The following RD3 variants were observed in gnomAD, a reference collection of about 807,000 sequenced individuals.
The protein encoded by RD3 is protein RD3.
RD3 carries 11 observed loss-of-function variants against 16.9 expected under a neutral mutation model. The observed-to-expected ratio is 0.65, with a 90% confidence interval of 0.41 to 1.08. RD3 has a LOEUF of 1.08. RD3 is among the 50% of genes least tolerant of loss of function. The probability of loss-of-function intolerance (pLI) is 0.00; values close to 1 mark genes in which losing one functional copy is unlikely to be tolerated. For synonymous variants in RD3, 116 were observed against 114.8 expected, an observed-to-expected ratio of 1.01 and a Z score of -0.07; for missense variants, 274 against 267.4, an observed-to-expected ratio of 1.02 and a Z score of -0.17.
At chr1:211,479,668 GC>G (rs1158542172) in intron 2 of RD3, among the ~76,000 whole-genome samples, 1 of 152,204 alleles carries the variant, frequency 6.6e-6, no homozygotes, top group East Asian at 1.9e-4. Context: ...GGAGCCCTTT[GC>G]CGTGGCAGCC....
chr1:211,482,633 A>T lies in RD3; in HGVS notation c.-11-1207T>A, dbSNP rs892784367. On this transcript the variant is annotated intron_variant, in intron 1 of 2. Coordinates refer to ENST00000680073, the MANE Select transcript of RD3 (RefSeq NM_001164688.2). ...GAGCCTAACTCATCATGGAGCCCCC[A>T]CACAGGCCTGCTAAATACAAATTTA... Among the ~76,000 whole-genome samples the T allele has an allele frequency of 5.9e-5, 9 of 151,916 alleles. 1 individual carries two copies. The highest frequency in any genetic ancestry group is 2.2e-4 in the African/African-American group (9 of 41,192).
rs1705169597 is a variant in RD3 at position 211,477,558 on chromosome 1, C to A, written c.*1478G>T. ...ATTTTAAGTGATTCTCAACTTCTAC[C>A]AATTACATTAATAAGCCAATCAACT... On this transcript the variant is annotated 3_prime_UTR_variant, in exon 3 of 3. Transcript: ENST00000680073. 6.6e-6 allele frequency: 1 copy of A among 152,130 alleles called. No individual in the cohort carries two copies. Among genetic ancestry groups the A allele is most frequent in the Non-Finnish European group, 1.5e-5 (1 of 68,064 alleles). 9.4% of individuals were successfully genotyped at this position (152,130 alleles called of 1,614,324 possible).
chr1:211,479,052 G>A lies in RD3; in HGVS notation c.572C>T (p.Ala191Val), dbSNP rs778808934. ...LRSWSMPEFR[A>V]PKAD ...CGGCCGGGGTCAGTCGGCTTTGGGC[G>A]CCCGGAATTCGGGCATGCTCCAGGA... The change falls in exon 3 of 3, where the codon GCG becomes GTG. Residue 191 changes from alanine (A) to valine (V), a missense_variant. Transcript: ENST00000680073. 1.2e-6 allele frequency: 2 copies of A among 1,600,680 alleles called. No individual in the cohort carries two copies. The highest frequency in any genetic ancestry group is 1.3e-5 in the African/African-American group (1 of 74,870).
chr1:211,485,589 C>T (rs1462089709), intron 1 of RD3, among the ~76,000 whole-genome samples: 2 of 152,114 alleles, frequency 1.3e-5, no homozygotes, highest in Admixed American at 6.5e-5. Context: ...CTGGGAAGGA[C>T]GTGGTGCCTG....
intron 1 of RD3, among the ~76,000 whole-genome samples, chr1:211,484,193 G>A (rs946757275): frequency 1.3e-5 from 2 of 152,212 alleles, no homozygotes; most frequent in African/African-American, 2.4e-5. Context: ...TGTGGTATGT[G>A]GTCAGGGCCT....
chr1:211,483,059 A>C (rs1241329867), intron 1 of RD3, among the ~76,000 whole-genome samples: 1 of 151,986 alleles, frequency 6.6e-6, no homozygotes, highest in East Asian at 1.9e-4. Context: ...GACACAAAGG[A>C]GAATATTATG....
intron 2 of RD3, among the ~76,000 whole-genome samples, chr1:211,480,900 C>T (rs991028447): frequency 3.3e-5 from 5 of 152,198 alleles, no homozygotes; most frequent in African/African-American, 1.2e-4. Context: ...TCAAAACTCA[C>T]GCGCCTCCAG....
rs1705203405 is a variant in RD3 at position 211,478,901 on chromosome 1, C to G, written c.*135G>C. 1 of 749,328 alleles carries G rather than the reference C, an allele frequency of 1.3e-6. No homozygotes were observed. The allele number at this position is 749,328 out of a possible 1,614,324, so 46.4% of individuals were successfully genotyped here. On this transcript the variant is annotated 3_prime_UTR_variant, in exon 3 of 3. Coordinates refer to ENST00000680073, the MANE Select transcript of RD3 (RefSeq NM_001164688.2). ...AGGGAGTCGCTTCATTTTATAGCAG[C>G]GTCTTGGGATGGGGCCGCCTCTTGG...
At chr1:211,481,055 C>A in intron 2 of RD3, 65 bp downstream of exon 2, 1 of 1,567,578 alleles carries the variant, frequency 6.4e-7, no homozygotes, top group Non-Finnish European at 8.7e-7. Flanking sequence ...GCCTCAGGCC[C>A]CTGCCACTGC....
At position 211,482,672 on chromosome 1, in the gene RD3, C is replaced by T. The variant is rs539278614; in HGVS notation, c.-11-1246G>A. Among the ~76,000 whole-genome samples the T allele has an allele frequency of 3.4e-4, 51 of 151,882 alleles. 1 individual carries two copies. Among genetic ancestry groups the T allele is most frequent in the African/African-American group, 1.1e-3 (44 of 41,232 alleles). ...AATACAAATTTAGTGAAGGACAGAC[C>T]GAGTAGATGAATGAACGAATGAATG... On this transcript the variant is annotated intron_variant, in intron 1 of 2. Transcript: ENST00000680073.
In RD3 at chr1:211,479,325, A is replaced by T; in HGVS notation, c.299T>A (p.Phe100Tyr). ...PSYCGPAILR[F>Y]RQLLAEQEPE... Reference sequence around the variant, plus strand: ...CTCCTGCTCCGCCAGCAGCTGCCGGAACCTGGGCGGGAGGGGAGGGCGCTG... The same window carrying T: ...CTCCTGCTCCGCCAGCAGCTGCCGGTACCTGGGCGGGAGGGGAGGGCGCTG... Residue 100 changes from phenylalanine to tyrosine, a missense_variant and splice_region_variant, in exon 3 of 3, where the codon TTC becomes TAC. Transcript: ENST00000680073. 6 of 1,602,956 alleles carry T rather than the reference A, an allele frequency of 3.7e-6. No individual in the cohort carries two copies. Among genetic ancestry groups the T allele is most frequent in the Non-Finnish European group, 5.1e-6 (6 of 1,175,094 alleles).
rs1392994367 is a variant in RD3 at position 211,478,956 on chromosome 1, T to C, written c.*80A>G. ...CCTCGTCAGGCCTAGGTGGGGAGGT[T>C]CCAGGGCCCGGCGCTCCGGTCACCG... is the stretch of plus-strand genomic sequence containing the variant. On this transcript the variant is annotated 3_prime_UTR_variant, in exon 3 of 3. Transcript: ENST00000680073. 2.2e-6 allele frequency: 3 copies of C among 1,392,798 alleles called. No homozygotes were observed. Among genetic ancestry groups the C allele is most frequent in the Non-Finnish European group, 2.9e-6 (3 of 1,048,630 alleles). 86.3% of individuals were successfully genotyped at this position (1,392,798 alleles called of 1,614,324 possible).
In RD3 at chr1:211,481,386, G is replaced by C. The variant is rs774563819; in HGVS notation, c.30C>G (p.Asn10Lys). Residue 10 changes from asparagine (N) to lysine (K), a missense_variant, in exon 2 of 3, where the codon AAC becomes AAG. By Grantham distance (94) the Asn-to-Lys change is moderately conservative. Transcript: ENST00000680073. ...TGGTGGACAGCCGGGATGGGGCCTC[G>C]TTCCACCGAAGCCATGAGATGAGAG... MSLISWLRW[N>K]EAPSRLSTRS... The C allele has an allele frequency of 6.2e-7, 1 of 1,613,360 alleles. No individual in the cohort carries two copies. The highest frequency in any genetic ancestry group is 8.5e-7 in the Non-Finnish European group (1 of 1,180,034).
chr1:211,484,494 T>C (rs1258957800), intron 1 of RD3, among the ~76,000 whole-genome samples: 1 of 152,156 alleles, frequency 6.6e-6, no homozygotes, highest in African/African-American at 2.4e-5. Flanking sequence ...GGTTCTCCTG[T>C]GGCCGGGAGA....
chr1:211,477,913 G>C lies in RD3; in HGVS notation c.*1123C>G. 1 of 392,558 alleles carries C rather than the reference G, an allele frequency of 2.5e-6. No individual in the cohort carries two copies. The highest frequency in any genetic ancestry group is 4.5e-6 in the Non-Finnish European group (1 of 222,922). The allele number at this position is 392,558 out of a possible 1,614,324, so 24.3% of individuals were successfully genotyped here. ...CTCCTGGCCTTCCAGATTTTCCATG[G>C]GTGATCCACACATTGGGTAATCCAC... is the stretch of plus-strand genomic sequence containing the variant. On this transcript the variant is annotated 3_prime_UTR_variant, in exon 3 of 3. Coordinates refer to ENST00000680073, the MANE Select transcript of RD3 (RefSeq NM_001164688.2).
intron 2 of RD3, among the ~76,000 whole-genome samples, chr1:211,479,663 C>T (rs938014768): frequency 1.3e-5 from 2 of 152,166 alleles, no homozygotes; most frequent in African/African-American, 4.8e-5. Context: ...TAAGGGGAGC[C>T]CTTTGCCGTG....
intron 1 of RD3, among the ~76,000 whole-genome samples, chr1:211,483,157 C>T (rs919203652): frequency 3.3e-5 from 5 of 151,934 alleles, no homozygotes; most frequent in Non-Finnish European, 5.9e-5. Flanking sequence ...TAGCAACCAA[C>T]AGAATTAAGA....
At chr1:211,491,296 T>A (rs575586394) in intron 1 of RD3, among the ~76,000 whole-genome samples, 2 of 152,318 alleles carry the variant, frequency 1.3e-5, no homozygotes, top group East Asian at 3.9e-4. Context: ...TGCTGCTGCA[T>A]CCCCAGAGCC....
intron 1 of RD3, among the ~76,000 whole-genome samples, chr1:211,490,380 C>T (rs1024475724): frequency 2.6e-5 from 4 of 152,234 alleles, no homozygotes; most frequent in East Asian, 3.9e-4. Context: ...GAACCCGGCC[C>T]GGGTCCTCCA....
Sources: allele counts gnomAD v4.1 joint callset (sites outside exome capture counted in the v4.1 genomes callset), GRCh38; gene constraint gnomAD v4.1.1; transcripts MANE v1.5; gene names NCBI Gene and HGNC (gene_info 2026-07-23, HGNC 2026-07-21).